Variants in ANKRD17 observed in about 807,000 individuals in gnomAD.
ANKRD17 encodes the protein ankyrin repeat domain-containing protein 17.
Under a neutral mutation model 229.7 loss-of-function variants are expected in ANKRD17, and 19 were observed. That is an observed-to-expected ratio of 0.08 (90% confidence interval 0.06 to 0.12). The LOEUF is 0.12. Among genes scored for constraint, ANKRD17 ranks in the 10% least tolerant of loss-of-function variants. ANKRD17 has a pLI of 1.00. For missense variants in ANKRD17, 2,176 were observed against 3,176.8 expected, an observed-to-expected ratio of 0.68 and a Z score of 7.57; for synonymous variants, 1,112 against 1,146.1, an observed-to-expected ratio of 0.97 and a Z score of 0.60.
chr4:73,155,930 T>C, intron 4 of ANKRD17, 89 bp downstream of exon 4: 1 of 1,499,318 alleles, frequency 6.7e-7, no homozygotes, highest in African/African-American at 1.4e-5. Context: ...ATAATCCTAA[T>C]GGTTGGAAGG....
chr4:73,254,538 C>T (rs1227976448), intron 1 of ANKRD17, among the ~76,000 whole-genome samples: 2 of 152,106 alleles, frequency 1.3e-5, no homozygotes, highest in African/African-American at 4.8e-5. Context: ...GAGGCTGAGG[C>T]CAGTGGATCA....
chr4:73,079,569 A>AG (rs1236792603), intron 30 of ANKRD17, among the ~76,000 whole-genome samples: 1 of 152,046 alleles, frequency 6.6e-6, no homozygotes, highest in Non-Finnish European at 1.5e-5. Flanking sequence ...AAAAAAAAAA[A>AG]GTTTCTTCAA....
intron 1 of ANKRD17, among the ~76,000 whole-genome samples, chr4:73,255,654 G>C (rs1745386586): frequency 6.6e-6 from 1 of 152,130 alleles, no homozygotes; most frequent in Non-Finnish European, 1.5e-5. Flanking sequence ...AAAAGATGAA[G>C]ATGGGGCAGA....
intron 3 of ANKRD17, among the ~76,000 whole-genome samples, chr4:73,160,621 T>C (rs1273945726): frequency 6.6e-6 from 1 of 152,148 alleles, no homozygotes; most frequent in Non-Finnish European, 1.5e-5. Flanking sequence ...TCACAAAACA[T>C]TTACTGAGTC....
chr4:73,115,425 G>C (rs1327703811), intron 23 of ANKRD17, among the ~76,000 whole-genome samples: 1 of 152,024 alleles, frequency 6.6e-6, no homozygotes. Flanking sequence ...CAAGTAGCTG[G>C]GATTATAGGC....
At chr4:73,152,136 C>T (rs887527375) in intron 6 of ANKRD17, among the ~76,000 whole-genome samples, 3 of 151,754 alleles carry the variant, frequency 2.0e-5, no homozygotes, top group Non-Finnish European at 2.9e-5. Flanking sequence ...AAAAAGCAGA[C>T]GACAAATTAT....
chr4:73,251,917 T>C (rs1412266884), intron 1 of ANKRD17, among the ~76,000 whole-genome samples: 2 of 152,330 alleles, frequency 1.3e-5, no homozygotes, highest in South Asian at 2.1e-4. Context: ...TATTAAACAC[T>C]GAAAACTTTC....
chr4:73,118,585 A>T, intron 22 of ANKRD17, 103 bp downstream of exon 22: 1 of 1,292,880 alleles, frequency 7.7e-7, no homozygotes, highest in Middle Eastern at 2.3e-4. Flanking sequence ...TGCTTTCATC[A>T]CAGCTGCAAA....
rs192196446 is a variant in ANKRD17 at position 73,142,427 on chromosome 4, A to G, written c.2086-42T>C. The G allele has an allele frequency of 9.7e-5, 153 of 1,582,492 alleles. No homozygotes were observed. The Admixed American group carries it at 1.7e-3, about 17-fold the overall frequency. ...GGAAGGGGAAAAAAAGTGAAGAAAA[A>G]TAAGTTAGTTTACAGAATCACTTAG... On this transcript the variant is annotated intron_variant, in intron 12 of 33. Coordinates refer to ENST00000358602, the MANE Select transcript of ANKRD17 (RefSeq NM_032217.5).
intron 1 of ANKRD17, among the ~76,000 whole-genome samples, chr4:73,254,061 T>A (rs1239411685): frequency 6.6e-6 from 1 of 152,198 alleles, no homozygotes; most frequent in Non-Finnish European, 1.5e-5. Context: ...CAAATACTGC[T>A]ACATCAATTA....
At chr4:73,257,051 A>G (rs997692646) in intron 1 of ANKRD17, among the ~76,000 whole-genome samples, 7 of 152,246 alleles carry the variant, frequency 4.6e-5, no homozygotes, top group African/African-American at 1.4e-4. Flanking sequence ...TTGCATCAAA[A>G]TAAGTTCCAT....
chr4:73,244,397 T>C (rs577869749), intron 1 of ANKRD17, among the ~76,000 whole-genome samples: 1 of 152,280 alleles, frequency 6.6e-6, no homozygotes, highest in South Asian at 2.1e-4. Flanking sequence ...GATGGAAATA[T>C]TCTACATATG....
intron 1 of ANKRD17, among the ~76,000 whole-genome samples, chr4:73,234,712 A>G (rs116110649): frequency 0.011 from 1,686 of 152,304 alleles, 33 homozygotes; most frequent in African/African-American, 0.039. Context: ...CTTCTCTCTC[A>G]GGTTCTAACA....
chr4:73,136,427 T>C (rs1165097744), intron 15 of ANKRD17, among the ~76,000 whole-genome samples: 1 of 152,118 alleles, frequency 6.6e-6, no homozygotes, highest in African/African-American at 2.4e-5. Context: ...AATTAAGAAA[T>C]CTATTTTACA....
intron 2 of ANKRD17, among the ~76,000 whole-genome samples, chr4:73,174,598 G>C (rs1734490297): frequency 1.3e-5 from 2 of 152,038 alleles, no homozygotes; most frequent in South Asian, 4.1e-4. Flanking sequence ...TCAGACAAGA[G>C]AAACAGACAA....
chr4:73,126,938 G>T (rs1727553752), intron 16 of ANKRD17, among the ~76,000 whole-genome samples: 1 of 152,074 alleles, frequency 6.6e-6, no homozygotes, highest in Non-Finnish European at 1.5e-5. Flanking sequence ...GTGACTATTA[G>T]CATTTGAAAT....
At chr4:73,138,419 C>T (rs1193517620) in intron 15 of ANKRD17, among the ~76,000 whole-genome samples, 1 of 152,040 alleles carries the variant, frequency 6.6e-6, no homozygotes, top group Non-Finnish European at 1.5e-5. Context: ...AGTATAAAAT[C>T]TATCTCAGCT....
intron 2 of ANKRD17, among the ~76,000 whole-genome samples, chr4:73,174,791 A>G (rs1486676835): frequency 7.9e-5 from 12 of 152,236 alleles, no homozygotes; most frequent in Admixed American, 5.2e-4. Flanking sequence ...AACAATCTGA[A>G]AAACAAATCA....
chr4:73,253,522 C>G (rs1376512885), intron 1 of ANKRD17, among the ~76,000 whole-genome samples: 1 of 152,116 alleles, frequency 6.6e-6, no homozygotes, highest in Non-Finnish European at 1.5e-5. Flanking sequence ...CTATCATTAC[C>G]ATTTATACCA....
Sources: gnomAD v4.1 joint callset for allele counts (sites outside exome capture counted in the v4.1 genomes callset) on GRCh38, gnomAD v4.1.1 for gene constraint, MANE v1.5 for transcripts, NCBI Gene and HGNC (gene_info 2026-07-23, HGNC 2026-07-21) for gene names.